Variants in SHROOM4 observed in about 807,000 individuals in gnomAD.
The protein encoded by SHROOM4 is shroom family member 4.
SHROOM4 carries 17 observed loss-of-function variants against 80.3 expected under a neutral mutation model. The ratio of observed to expected loss-of-function variants is 0.21; its 90% CI spans 0.14 to 0.32. SHROOM4 has a LOEUF of 0.32. Among genes scored for constraint, SHROOM4 ranks in the 10% least tolerant of loss-of-function variants. The pLI is 1.00. For synonymous variants in SHROOM4, 400 were observed against 437.5 expected (o/e 0.91, Z 1.07); for missense variants, 993 against 1,140.3 (o/e 0.87, Z 1.86).
Position 50,608,190 on chromosome X carries a change from A to C in SHROOM4, c.2958-6T>G. The C allele has an allele frequency of 8.3e-7, 1 of 1,211,064 alleles. No homozygotes were observed. Among genetic ancestry groups the C allele is most frequent in the Non-Finnish European group, 1.1e-6 (1 of 894,818 alleles). On this transcript the variant is annotated splice_polypyrimidine_tract_variant and splice_region_variant and intron_variant, in intron 5 of 8. Coordinates refer to ENST00000376020, the MANE Select transcript of SHROOM4 (RefSeq NM_020717.5). ...TCTTGGAATGAGCCATTTCCCTGCA[A>C]AACATCAGATGAGTACTGAGAAAAA... is the stretch of plus-strand genomic sequence containing the variant.
intron 1 of SHROOM4, among the ~76,000 whole-genome samples, chrX:50,749,488 T>A (rs1259468032): frequency 9.0e-6 from 1 of 111,542 alleles, no homozygotes; most frequent in Non-Finnish European, 1.9e-5. Context: ...TCATAGATAA[T>A]TTACTCCCTG....
intron 1 of SHROOM4, among the ~76,000 whole-genome samples, chrX:50,812,563 G>A (rs988924537): frequency 3.1e-4 from 34 of 110,562 alleles, no homozygotes; most frequent in African/African-American, 1.1e-3. Flanking sequence ...CAATCTGATT[G>A]GTACACCCAT....
chrX:50,811,667 T>A (rs900197428), intron 1 of SHROOM4, among the ~76,000 whole-genome samples: 11 of 111,483 alleles, frequency 9.9e-5, no homozygotes, highest in African/African-American at 3.3e-4. Flanking sequence ...AAAAACACAA[T>A]ACAGGCAATC....
At chrX:50,648,742 C>A (rs1346022317) in intron 2 of SHROOM4, among the ~76,000 whole-genome samples, 4 of 111,792 alleles carry the variant, frequency 3.6e-5, no homozygotes, top group African/African-American at 1.3e-4. Flanking sequence ...GTGAGAAGCA[C>A]AGGAATACCA....
At chrX:50,741,796 T>A (rs935398707) in intron 1 of SHROOM4, among the ~76,000 whole-genome samples, 2 of 110,922 alleles carry the variant, frequency 1.8e-5, no homozygotes, top group African/African-American at 6.5e-5. Flanking sequence ...TTGTTGTAGG[T>A]TGTTACCTGA....
intron 2 of SHROOM4, among the ~76,000 whole-genome samples, chrX:50,677,711 C>A (rs1033267319): frequency 9.0e-6 from 1 of 111,545 alleles, no homozygotes; most frequent in South Asian, 3.7e-4. Context: ...TTCATGCATT[C>A]ATTCATTGAC....
chrX:50,691,339 T>A (rs782367091), intron 2 of SHROOM4, among the ~76,000 whole-genome samples: 9 of 111,716 alleles, frequency 8.1e-5, no homozygotes, highest in Non-Finnish European at 1.3e-4. Context: ...TGTGTGGTCA[T>A]TGTTCCTGAT....
chrX:50,736,135 T>C (rs1175780341), intron 1 of SHROOM4, among the ~76,000 whole-genome samples: 1 of 110,930 alleles, frequency 9.0e-6, no homozygotes, highest in Non-Finnish European at 1.9e-5. Flanking sequence ...CAAGCATTAG[T>C]GAAGATATGG....
intron 2 of SHROOM4, among the ~76,000 whole-genome samples, chrX:50,694,898 T>C (rs1933329273): frequency 9.6e-6 from 1 of 104,288 alleles, no homozygotes. Context: ...TGTGGGAAGA[T>C]GCAAGATGGA....
rs899829487 is a variant in SHROOM4, at chrX:50,600,122, A to T, written c.3943-1587T>A. Among the ~76,000 whole-genome samples the T allele has an allele frequency of 1.3e-4, 15 of 111,916 alleles. No individual in the cohort carries two copies. In the Admixed American group the frequency reaches 1.4e-3, roughly 11 times the overall value. Reference sequence around the variant, plus strand: ...AAAGTGGACACCTCCCCAACTCCAGAGATTTTCTGATGGGTAAATGAAACC... The same window carrying T: ...AAAGTGGACACCTCCCCAACTCCAGTGATTTTCTGATGGGTAAATGAAACC... On this transcript the variant is annotated intron_variant, in intron 7 of 8. Transcript: ENST00000376020.
chrX:50,646,664 T>C (rs979018321), intron 2 of SHROOM4, among the ~76,000 whole-genome samples: 1 of 107,970 alleles, frequency 9.3e-6, no homozygotes, highest in Admixed American at 1.0e-4. Context: ...GAATACTCTC[T>C]GGAGAAGGGG....
rs983264731 is a variant in SHROOM4 at position 50,591,874 on chromosome X, C to T, written c.*4821G>A. Reference sequence around the variant, plus strand: ...CTGGGACTACTGGTGCGTGCCACCACACCTGGCTAATTTTTTGTATTTTTA... The same window carrying T: ...CTGGGACTACTGGTGCGTGCCACCATACCTGGCTAATTTTTTGTATTTTTA... On this transcript the variant is annotated 3_prime_UTR_variant, in exon 9 of 9. Transcript: ENST00000376020. The T allele has an allele frequency of 1.2e-4, 39 of 315,985 alleles. No homozygotes were observed. Among genetic ancestry groups the T allele is most frequent in the African/African-American group, 1.1e-3 (39 of 36,852 alleles). The allele number at this position is 315,985 out of a possible 1,213,427, so 26.0% of individuals were successfully genotyped here.
At chrX:50,586,784 G>A (rs1557244885), downstream of SHROOM4, among the ~76,000 whole-genome samples, 1 of 111,883 alleles carries the variant, frequency 8.9e-6, no homozygotes, top group African/African-American at 3.2e-5. Context: ...CAAATCCTAT[G>A]GAGAAAATAT....
chrX:50,591,087 A>C lies in SHROOM4; in HGVS notation c.*5608T>G, dbSNP rs1013574785. On this transcript the variant is annotated 3_prime_UTR_variant, in exon 9 of 9. Transcript: ENST00000376020. ...TAATCCATTTTGAGTTGATTCTTGC[A>C]TGTGATTTAAGGAAAACTTCATTTT... Among the ~76,000 whole-genome samples, 7 of 112,100 alleles carry C rather than the reference A, an allele frequency of 6.2e-5. No homozygotes were observed. The highest frequency in any genetic ancestry group is 1.3e-4 in the Non-Finnish European group (7 of 53,193).
chrX:50,668,440 A>G (rs782065646), intron 2 of SHROOM4, among the ~76,000 whole-genome samples: 202 of 112,012 alleles, frequency 1.8e-3, no homozygotes, highest in African/African-American at 6.2e-3. Context: ...TTCTACCTCC[A>G]CATGGCAGTA....
At chrX:50,783,578 A>ATTT (rs781820506) in intron 1 of SHROOM4, among the ~76,000 whole-genome samples, 1 of 102,847 alleles carries the variant, frequency 9.7e-6, no homozygotes, top group African/African-American at 3.5e-5. Flanking sequence ...GTCGATTCTA[A>ATTT]TTTTTTTTTT....
chrX:50,680,155 GA>G (rs1932911064), intron 2 of SHROOM4, among the ~76,000 whole-genome samples: 1 of 111,675 alleles, frequency 9.0e-6, no homozygotes. Flanking sequence ...CTTCTCCTCA[GA>G]TTATTCTTTG....
At chrX:50,653,128 G>A (rs1038887721) in intron 2 of SHROOM4, among the ~76,000 whole-genome samples, 8 of 111,595 alleles carry the variant, frequency 7.2e-5, no homozygotes, top group Non-Finnish European at 1.3e-4. Flanking sequence ...ACTTGATGGG[G>A]AGAGCACTGA....
intron 1 of SHROOM4, among the ~76,000 whole-genome samples, chrX:50,723,328 A>AG (rs1934163740): frequency 3.3e-5 from 1 of 30,121 alleles, no homozygotes; most frequent in Admixed American, 5.1e-4. Flanking sequence ...GGGGGGAGGG[A>AG]GGGGGAGGAG....
Sources: gnomAD v4.1 joint callset for allele counts (sites outside exome capture counted in the v4.1 genomes callset) on GRCh38, gnomAD v4.1.1 for gene constraint, MANE v1.5 for transcripts, NCBI Gene and HGNC (gene_info 2026-07-23, HGNC 2026-07-21) for gene names.